Variants in PHF24 observed in about 807,000 individuals in gnomAD.
PHF24 encodes Galpha inhibitory interacting protein.
A neutral mutation model predicts 42.6 loss-of-function variants in PHF24; 25 were observed. The ratio of observed to expected loss-of-function variants is 0.59; its 90% CI spans 0.43 to 0.82. The LOEUF is 0.82. Among genes scored for constraint, PHF24 ranks in the 40% least tolerant of loss-of-function variants. PHF24 has a pLI of 0.00. For missense variants in PHF24, 470 were observed against 538.1 expected, an observed-to-expected ratio of 0.87 and a Z score of 1.25; for synonymous variants, 185 against 204.8, an observed-to-expected ratio of 0.90 and a Z score of 0.83.
the PHF24 span, among the ~76,000 whole-genome samples, chr9:34,913,781 G>A: frequency 6.6e-6 from 1 of 152,272 alleles, no homozygotes; most frequent in African/African-American, 2.4e-5. Flanking sequence ...AGAGAGCAAG[G>A]AGCATTCAGC....
At chr9:34,835,628 G>A in the PHF24 span, 1 of 1,551,598 alleles carries the variant, frequency 6.4e-7, no homozygotes, top group African/African-American at 1.4e-5. Flanking sequence ...GGCTTGTCAA[G>A]CCTTGAAGAA....
the PHF24 span, among the ~76,000 whole-genome samples, chr9:34,741,625 G>T: frequency 6.6e-6 from 1 of 152,202 alleles, no homozygotes; most frequent in African/African-American, 2.4e-5. Context: ...GCCTCCCAAA[G>T]TGCTGGGATT....
chr9:34,709,829 G>T, the PHF24 span: 3 of 1,614,158 alleles, frequency 1.9e-6, no homozygotes, highest in Non-Finnish European at 2.5e-6. Flanking sequence ...CGGTAGCTGC[G>T]GACAACCTTG....
chr9:34,798,663 C>G, the PHF24 span, among the ~76,000 whole-genome samples: 1 of 152,256 alleles, frequency 6.6e-6, no homozygotes, highest in African/African-American at 2.4e-5. Context: ...GTGAATCGTG[C>G]TGTGATGAAC....
At chr9:34,871,712 G>A in the PHF24 span, among the ~76,000 whole-genome samples, 6 of 152,086 alleles carry the variant, frequency 3.9e-5, no homozygotes, top group African/African-American at 1.4e-4. Context: ...TTATATTTCT[G>A]TGGATCTGTT....
chr9:34,901,892 T>C, the PHF24 span, among the ~76,000 whole-genome samples: 454 of 152,286 alleles, frequency 3.0e-3, 1 homozygote, highest in African/African-American at 0.01. Context: ...ATTTCTGATA[T>C]CTGGAATTTA....
chr9:34,801,174 G>A, the PHF24 span, among the ~76,000 whole-genome samples: 4 of 152,162 alleles, frequency 2.6e-5, no homozygotes, highest in Non-Finnish European at 5.9e-5. Flanking sequence ...AGATGCTGGC[G>A]AGGCTGTAGA....
chr9:34,680,661 C>T, the PHF24 span, among the ~76,000 whole-genome samples: 1 of 145,540 alleles, frequency 6.9e-6, no homozygotes, highest in African/African-American at 2.5e-5. Context: ...GCACTCCAGC[C>T]TGGGCGACAG....
chr9:34,971,205 T>C, intron 1 of PHF24, 90 bp from the exon 2 acceptor site: 3 of 1,432,236 alleles, frequency 2.1e-6, no homozygotes, highest in Non-Finnish European at 2.8e-6. Context: ...GAGAAACTGT[T>C]TAATAGCCCT....
chr9:34,912,078 T>G, the PHF24 span, among the ~76,000 whole-genome samples: 1 of 152,156 alleles, frequency 6.6e-6, no homozygotes, highest in Admixed American at 6.5e-5. Flanking sequence ...TTTATTTTTC[T>G]CTTTTCATCC....
chr9:34,744,320 A>G, the PHF24 span, among the ~76,000 whole-genome samples: 2 of 152,176 alleles, frequency 1.3e-5, no homozygotes, highest in African/African-American at 4.8e-5. Flanking sequence ...GAACCAATAA[A>G]CTGCTTATAT....
the PHF24 span, among the ~76,000 whole-genome samples, chr9:34,714,240 T>C: frequency 6.6e-6 from 1 of 152,186 alleles, no homozygotes; most frequent in Non-Finnish European, 1.5e-5. Flanking sequence ...TAAGATTTCT[T>C]GGATCTTTTA....
chr9:34,792,868 G>A, the PHF24 span, among the ~76,000 whole-genome samples: 1 of 152,180 alleles, frequency 6.6e-6, no homozygotes, highest in Non-Finnish European at 1.5e-5. Flanking sequence ...TGTTAAAGGG[G>A]CATCAGTTTC....
chr9:34,873,301 T>A, the PHF24 span, among the ~76,000 whole-genome samples: 1 of 151,914 alleles, frequency 6.6e-6, no homozygotes, highest in Admixed American at 6.6e-5. Flanking sequence ...CTGAATGGTA[T>A]TGCCTAGGTT....
At chr9:34,848,344 G>A in the PHF24 span, among the ~76,000 whole-genome samples, 2 of 151,318 alleles carry the variant, frequency 1.3e-5, no homozygotes, top group Non-Finnish European at 3.0e-5. Context: ...TGTATGTGTC[G>A]AGGAATTTAT....
intron 3 of PHF24, among the ~76,000 whole-genome samples, chr9:34,975,291 G>A (rs922978063): frequency 9.9e-5 from 15 of 152,140 alleles, no homozygotes; most frequent in African/African-American, 2.9e-4. Flanking sequence ...CCACTGTGGC[G>A]CCCAGTGTTT....
the PHF24 span, among the ~76,000 whole-genome samples, chr9:34,848,497 CTTT>C: frequency 6.6e-6 from 1 of 152,012 alleles, no homozygotes; most frequent in Non-Finnish European, 1.5e-5. Flanking sequence ...CTCTTTTCTT[CTTT>C]ATTAGTTTTG....
chr9:34,926,323 C>T, the PHF24 span, among the ~76,000 whole-genome samples: 1 of 152,090 alleles, frequency 6.6e-6, no homozygotes, highest in Admixed American at 6.5e-5. The surrounding 1 kb of genome is among the most constrained non-coding windows in gnomAD (Gnocchi z 4.3). Flanking sequence ...TCTCGAAGGC[C>T]TAGGACATGG....
At chr9:34,677,497 C>T in the PHF24 span, among the ~76,000 whole-genome samples, 7 of 148,670 alleles carry the variant, frequency 4.7e-5, no homozygotes, top group African/African-American at 9.9e-5. Context: ...CCCGGGTTCA[C>T]GCCATTCTCC....
Sources: allele counts gnomAD v4.1 joint callset (sites outside exome capture counted in the v4.1 genomes callset), GRCh38; gene constraint gnomAD v4.1.1; non-coding constraint Gnocchi (gnomAD v3.1); transcripts MANE v1.5; gene names NCBI Gene and HGNC (gene_info 2026-07-23, HGNC 2026-07-21).